Variants in USP34 observed in about 807,000 individuals in gnomAD.
The protein encoded by USP34 is ubiquitin carboxyl-terminal hydrolase 34.
A neutral mutation model predicts 460.3 loss-of-function variants in USP34; 70 were observed. The ratio of observed to expected loss-of-function variants is 0.15; its 90% CI spans 0.13 to 0.19. The LOEUF (loss-of-function observed/expected upper bound fraction) is 0.19. USP34 is among the 10% of genes least tolerant of loss of function. The pLI is 1.00. For missense variants in USP34, 3,985 were observed against 4,236.2 expected, an observed-to-expected ratio of 0.94 and a Z score of 1.65; for synonymous variants, 1,647 against 1,405.3, an observed-to-expected ratio of 1.17 and a Z score of -3.85.
chr2:61,307,100 T>C (rs1480317355), intron 27 of USP34, among the ~76,000 whole-genome samples: 1 of 151,690 alleles, frequency 6.6e-6, no homozygotes, highest in African/African-American at 2.4e-5. Context: ...ATTAAGAAAA[T>C]GTGGCACATA....
At chr2:61,395,375 ACTGAAG>A (rs994318930) in intron 3 of USP34, 142 bp from the exon 4 acceptor site, 1 of 616,026 alleles carries the variant, frequency 1.6e-6, no homozygotes, top group Non-Finnish European at 2.9e-6. Context: ...GATACTCCTA[ACTGAAG>A]CTAATAGGAT....
At position 61,395,251 on chromosome 2, in the gene USP34, AGCAAGT is replaced by A; in HGVS notation, c.553-24_553-19del. ...GATATATCCTAATTAAAAAAAAAAA[AGCAAGT>A]AAAATTAGGTTACAACTACTAACCT... On this transcript the variant is annotated intron_variant, in intron 3 of 79. Coordinates refer to ENST00000398571, the MANE Select transcript of USP34 (RefSeq NM_014709.4). 2.9e-6 allele frequency: 4 copies of A among 1,360,878 alleles called. No individual in the cohort carries two copies. Among genetic ancestry groups the A allele is most frequent in the Non-Finnish European group, 4.1e-6 (4 of 977,278 alleles). 84.3% of individuals were successfully genotyped at this position (1,360,878 alleles called of 1,614,324 possible). A position where few individuals can be genotyped will look rare whatever the true frequency, so the allele number is the denominator to read the frequency against.
At chr2:61,397,186 T>C (rs1181071739) in intron 3 of USP34, among the ~76,000 whole-genome samples, 3 of 152,104 alleles carry the variant, frequency 2.0e-5, no homozygotes, top group Admixed American at 6.6e-5. Flanking sequence ...CTCACATATG[T>C]AATCCCAGCA....
intron 1 of USP34, among the ~76,000 whole-genome samples, chr2:61,438,782 T>A (rs1403101136): frequency 6.6e-6 from 1 of 152,206 alleles, no homozygotes; most frequent in African/African-American, 2.4e-5. Context: ...TCACTCTCAC[T>A]GCTCTTACCC....
rs761214424 is a variant in USP34, at chr2:61,333,932, A to C, written c.2784T>G (p.Phe928Leu). ...TGCTCCCAAACTGCTGAAAAGTACC[A>C]AATAGTTTTGGAAGAAGACGAAGTG... ...VISLRLLPKLFGTFQQFGSSY... is the reference protein window; with the variant it reads ...VISLRLLPKLLGTFQQFGSSY... Residue 928 changes from phenylalanine (F) to leucine (L), a missense_variant, in exon 19 of 80, where the codon TTT becomes TTG. This residue lies in a region of USP34 where 1,114 missense variants were observed against 1,122.5 expected (regional missense o/e 0.99). Coordinates refer to ENST00000398571, the MANE Select transcript of USP34 (RefSeq NM_014709.4). 3.3e-5 allele frequency: 53 copies of C among 1,598,702 alleles called. No homozygotes were observed. Among genetic ancestry groups the C allele is most frequent in the Non-Finnish European group, 4.2e-5 (49 of 1,172,462 alleles).
Position 61,347,975 on chromosome 2 carries a change from C to A in USP34, c.2180G>T (p.Gly727Val), listed in dbSNP as rs779584610. The A allele has an allele frequency of 5.0e-6, 8 of 1,614,086 alleles. No homozygotes were observed. Among genetic ancestry groups the A allele is most frequent in the Non-Finnish European group, 6.8e-6 (8 of 1,180,024 alleles). The stretch of plus-strand genomic sequence containing the variant: ...CCCAATAGTCTCCCCAAGGAAGTCC[C>A]CAGTTCGTGTGATACAAGACTCCTG... ...GSQESCITRTGDFLGETIGNE... is the reference protein window; with the variant it reads ...GSQESCITRTVDFLGETIGNE... The change falls in exon 15 of 80, where the codon GGG becomes GTG. Residue 727 changes from glycine (G) to valine (V), a missense_variant. This residue lies in a region of USP34 where 716 missense variants were observed against 626.2 expected (regional missense o/e 1.14). Coordinates refer to ENST00000398571, the MANE Select transcript of USP34 (RefSeq NM_014709.4).
At chr2:61,284,752 G>T in intron 35 of USP34, 123 bp downstream of exon 35, 1 of 678,798 alleles carries the variant, frequency 1.5e-6, no homozygotes, top group Non-Finnish European at 2.4e-6. Flanking sequence ...TGGAAGGTAT[G>T]AGAGATTTCA....
intron 20 of USP34, among the ~76,000 whole-genome samples, chr2:61,329,042 A>C (rs1469205648): frequency 1.3e-5 from 2 of 152,114 alleles, no homozygotes; most frequent in African/African-American, 4.8e-5. Context: ...TGTTTTTGAG[A>C]CGGAGTTTCA....
chr2:61,283,019 T>C (rs1424417446), intron 37 of USP34, 126 bp downstream of exon 37: 3 of 941,564 alleles, frequency 3.2e-6, no homozygotes, highest in Non-Finnish European at 4.8e-6. Context: ...CTTAAAGGAT[T>C]AAGCAGATAA....
At position 61,227,234 on chromosome 2, in the gene USP34, A is replaced by G; in HGVS notation, c.7444-16T>C. ...CAACTTGAGGCTAAGTTGGAATAAAATTCAATTTTAATACGGTAGTAGTTT... is the reference window on the plus strand; with the variant it reads ...CAACTTGAGGCTAAGTTGGAATAAAGTTCAATTTTAATACGGTAGTAGTTT... On this transcript the variant is annotated splice_polypyrimidine_tract_variant and intron_variant, in intron 61 of 79. Transcript: ENST00000398571. The G allele has an allele frequency of 6.3e-7, 1 of 1,596,212 alleles. No homozygotes were observed. The highest frequency in any genetic ancestry group is 1.1e-5 in the South Asian group (1 of 88,938).
At chr2:61,197,084 G>C (rs1686831880) in intron 75 of USP34, among the ~76,000 whole-genome samples, 1 of 152,082 alleles carries the variant, frequency 6.6e-6, no homozygotes, top group South Asian at 2.1e-4. Context: ...AGACCAGCCT[G>C]GCCAACATAG....
At chr2:61,192,580 G>GC (rs1686674028) in intron 76 of USP34, among the ~76,000 whole-genome samples, 1 of 152,204 alleles carries the variant, frequency 6.6e-6, no homozygotes, top group South Asian at 2.1e-4. Flanking sequence ...GGAAGAAGTG[G>GC]CAAGTGCCTT....
intron 1 of USP34, among the ~76,000 whole-genome samples, chr2:61,460,980 CAAAAAAAAAAAAA>C (rs1049183662): frequency 6.2e-5 from 5 of 81,176 alleles, no homozygotes; most frequent in African/African-American, 2.3e-4. Flanking sequence ...GACTCCATCT[CAAAAAAAAAAAAA>C]GAAAAAAAAA....
chr2:61,402,381 G>A (rs573421320), intron 3 of USP34, among the ~76,000 whole-genome samples: 2 of 152,118 alleles, frequency 1.3e-5, no homozygotes, highest in African/African-American at 2.4e-5. Context: ...AGCTTTGATG[G>A]GGACAATAGG....
At chr2:61,404,863 G>A (rs891153120) in intron 3 of USP34, among the ~76,000 whole-genome samples, 1 of 152,026 alleles carries the variant, frequency 6.6e-6, no homozygotes, top group Non-Finnish European at 1.5e-5. Context: ...TCTAAGATAG[G>A]TTACTACATA....
intron 21 of USP34, among the ~76,000 whole-genome samples, chr2:61,324,384 G>A (rs912180670): frequency 6.6e-6 from 1 of 152,092 alleles, no homozygotes. Flanking sequence ...CACCCATAAA[G>A]CCAAGTGATT....
intron 75 of USP34, among the ~76,000 whole-genome samples, chr2:61,196,976 A>G (rs1258367707): frequency 6.6e-6 from 1 of 152,094 alleles, no homozygotes; most frequent in East Asian, 1.9e-4. Flanking sequence ...TCTATTTTAC[A>G]AGTAAAGATG....
At chr2:61,336,119 TTG>T (rs745658418) in intron 18 of USP34, among the ~76,000 whole-genome samples, 24,027 of 149,906 alleles carry the variant, frequency 0.16, 2,306 homozygotes, top group South Asian at 0.36. Flanking sequence ...GCAAAACAAA[TTG>T]TGTGTGTGTG....
chr2:61,379,639 A>C (rs1692914512), intron 7 of USP34, among the ~76,000 whole-genome samples: 1 of 152,242 alleles, frequency 6.6e-6, no homozygotes, highest in African/African-American at 2.4e-5. Context: ...CTTAGTTCTA[A>C]CAGACTGTTG....
Sources: gnomAD v4.1 joint callset for allele counts (sites outside exome capture counted in the v4.1 genomes callset) on GRCh38, gnomAD v4.1.1 for gene constraint, gnomAD v4.1.1 regional missense constraint, MANE v1.5 for transcripts, NCBI Gene and HGNC (gene_info 2026-07-23, HGNC 2026-07-21) for gene names.